Variants in SCFD2 observed in about 807,000 individuals in gnomAD.
The protein encoded by SCFD2 is sec1 family domain containing 2.
Under a neutral mutation model 58.9 loss-of-function variants are expected in SCFD2, and 54 were observed. That is an observed-to-expected ratio of 0.92 (90% confidence interval 0.74 to 1.15). The LOEUF (loss-of-function observed/expected upper bound fraction) is 1.15. SCFD2 is among the 50% of genes most tolerant of loss of function. The pLI is 0.00. For missense variants in SCFD2, 805 were observed against 836.6 expected (o/e 0.96, Z 0.47); for synonymous variants, 321 against 335.9 (o/e 0.96, Z 0.49).
At chr4:52,942,118 CTA>C (rs2109515140) in intron 5 of SCFD2, among the ~76,000 whole-genome samples, 1 of 152,166 alleles carries the variant, frequency 6.6e-6, no homozygotes, top group East Asian at 1.9e-4. Flanking sequence ...TTTCTAGTGT[CTA>C]TGTGTGGTAG....
chr4:52,930,387 A>G (rs976426421), intron 5 of SCFD2, among the ~76,000 whole-genome samples: 5 of 152,178 alleles, frequency 3.3e-5, no homozygotes, highest in Non-Finnish European at 4.4e-5. Flanking sequence ...TAAATGTAAA[A>G]CCTAAAACTA....
chr4:53,279,719 A>C (rs1404455549), intron 3 of SCFD2, among the ~76,000 whole-genome samples: 1 of 152,238 alleles, frequency 6.6e-6, no homozygotes, highest in Admixed American at 6.5e-5. Flanking sequence ...AAAAGGAAAG[A>C]GGTTTAATGG....
In SCFD2 at chr4:53,313,633, T is replaced by TA. The variant is rs745523002; in HGVS notation, c.1135+2dup. ...GCTGCCTGTGTCCTAGGTTTAGGCT[T>TA]ACCCATACTCATCTTGATTGGCAGG... is the stretch of plus-strand genomic sequence containing the variant. On this transcript the variant is annotated splice_region_variant and intron_variant, in intron 3 of 8. Coordinates refer to ENST00000401642, the MANE Select transcript of SCFD2 (RefSeq NM_152540.4). The TA allele has an allele frequency of 3.7e-6, 6 of 1,613,800 alleles. No individual in the cohort carries two copies. In the African/African-American group the frequency reaches 6.7e-5, roughly 18 times the overall value.
intron 2 of SCFD2, among the ~76,000 whole-genome samples, chr4:53,316,410 C>G (rs1351052605): frequency 1.3e-5 from 2 of 152,104 alleles, no homozygotes; most frequent in Non-Finnish European, 2.9e-5. Context: ...TTTTTGGTAT[C>G]TGTGGAGTTG....
At chr4:52,970,356 C>T (rs1024355135) in intron 5 of SCFD2, among the ~76,000 whole-genome samples, 4 of 152,258 alleles carry the variant, frequency 2.6e-5, no homozygotes, top group African/African-American at 9.6e-5. Flanking sequence ...GCAAACAGCA[C>T]ACCAGGAGAT....
intron 5 of SCFD2, among the ~76,000 whole-genome samples, chr4:53,009,355 G>A (rs1722047246): frequency 6.6e-6 from 1 of 152,150 alleles, no homozygotes; most frequent in African/African-American, 2.4e-5. Flanking sequence ...GTAAATACTG[G>A]TTGAGAACCA....
rs1378446649 is a variant in SCFD2, at chr4:53,339,338, C to T, written c.1007+13260G>A. ...ACATGTTATTACATATATATGTATA[C>T]ATATTATATGTAAATGTATATTACA... On this transcript the variant is annotated intron_variant, in intron 2 of 8. Coordinates refer to ENST00000401642, the MANE Select transcript of SCFD2 (RefSeq NM_152540.4). 3.3e-5 allele frequency among the ~76,000 whole-genome samples: 5 copies of T among 149,942 alleles called. 1 individual carries two copies. The Admixed American group carries it at 3.3e-4, about 10-fold the overall frequency.
At chr4:53,112,769 T>G (rs1425628684) in intron 5 of SCFD2, among the ~76,000 whole-genome samples, 1 of 152,054 alleles carries the variant, frequency 6.6e-6, no homozygotes, top group East Asian at 1.9e-4. Flanking sequence ...ATCCCATCAA[T>G]CTTGAAACCC....
At chr4:53,024,747 G>T (rs1399392293) in intron 5 of SCFD2, among the ~76,000 whole-genome samples, 3 of 145,840 alleles carry the variant, frequency 2.1e-5, no homozygotes, top group Non-Finnish European at 3.0e-5. Flanking sequence ...AAGGTTTTCA[G>T]CTAACCCATG....
intron 5 of SCFD2, among the ~76,000 whole-genome samples, chr4:53,002,371 C>T (rs56265360): frequency 0.099 from 15,045 of 152,164 alleles, 1,006 homozygotes; most frequent in Non-Finnish European, 0.15. Flanking sequence ...AGGATACCAC[C>T]ACCAGACGGC....
At chr4:53,248,783 C>T (rs376776300) in intron 4 of SCFD2, among the ~76,000 whole-genome samples, 16 of 152,114 alleles carry the variant, frequency 1.1e-4, no homozygotes, top group African/African-American at 2.2e-4. Flanking sequence ...AGAAAGGACA[C>T]CCACACCAAA....
At chr4:53,237,237 T>C (rs944686702) in intron 4 of SCFD2, among the ~76,000 whole-genome samples, 1 of 149,448 alleles carries the variant, frequency 6.7e-6, no homozygotes, top group South Asian at 2.1e-4. Context: ...CCATGTCTAC[T>C]TCTTTCTACA....
At chr4:52,981,998 T>C (rs552228916) in intron 5 of SCFD2, among the ~76,000 whole-genome samples, 1 of 152,196 alleles carries the variant, frequency 6.6e-6, no homozygotes, top group Admixed American at 6.5e-5. Context: ...TATTTTAGAA[T>C]TAGAATCAAG....
chr4:52,895,168 T>C (rs1391480938), intron 7 of SCFD2, among the ~76,000 whole-genome samples: 1 of 152,024 alleles, frequency 6.6e-6, no homozygotes, highest in African/African-American at 2.4e-5. Context: ...CTCATGCTCT[T>C]GATCCACCTT....
intron 5 of SCFD2, among the ~76,000 whole-genome samples, chr4:53,080,918 A>G (rs898039059): frequency 4.6e-5 from 7 of 152,222 alleles, no homozygotes; most frequent in African/African-American, 1.7e-4. Flanking sequence ...CAAATCTAAG[A>G]CATCATTAAT....
chr4:53,030,581 C>T (rs2148818406), intron 5 of SCFD2, among the ~76,000 whole-genome samples: 1 of 152,190 alleles, frequency 6.6e-6, no homozygotes, highest in East Asian at 1.9e-4. Flanking sequence ...TGCCACCATG[C>T]CCAACTAATT....
intron 7 of SCFD2, among the ~76,000 whole-genome samples, chr4:52,892,709 T>C (rs375353862): frequency 2.6e-4 from 40 of 152,232 alleles, no homozygotes; most frequent in African/African-American, 9.6e-4. Flanking sequence ...ACCACTTATC[T>C]CTCCTCTCTG....
chr4:53,215,057 C>G (rs1386089607), intron 4 of SCFD2, among the ~76,000 whole-genome samples: 2 of 152,046 alleles, frequency 1.3e-5, no homozygotes, highest in Non-Finnish European at 2.9e-5. Context: ...TTACTGTAGC[C>G]TTGTAGTATA....
chr4:53,153,956 C>T (rs547614493), intron 4 of SCFD2, among the ~76,000 whole-genome samples: 15 of 152,260 alleles, frequency 9.9e-5, no homozygotes, highest in Middle Eastern at 3.4e-3. Context: ...GAGACCTCAT[C>T]AGCCTGGGCC....
Sources: allele counts gnomAD v4.1 joint callset (sites outside exome capture counted in the v4.1 genomes callset), GRCh38; gene constraint gnomAD v4.1.1; transcripts MANE v1.5; gene names NCBI Gene and HGNC (gene_info 2026-07-23, HGNC 2026-07-21).